The following PNPLA7 variants were observed in gnomAD, a reference collection of about 807,000 sequenced individuals.
PNPLA7 encodes patatin-like phospholipase domain-containing protein 7.
PNPLA7 carries 153 observed loss-of-function variants against 161.7 expected under a neutral mutation model. The ratio of observed to expected loss-of-function variants is 0.95; its 90% CI spans 0.83 to 1.08. PNPLA7 has a LOEUF of 1.08. Among genes scored for constraint, PNPLA7 ranks in the 50% least tolerant of loss-of-function variants. The pLI is 0.00. For missense variants in PNPLA7, 1,739 were observed against 1,856.6 expected, an observed-to-expected ratio of 0.94 and a Z score of 1.16; for synonymous variants, 809 against 782.1, an observed-to-expected ratio of 1.03 and a Z score of -0.57.
intron 14 of PNPLA7, among the ~76,000 whole-genome samples, chr9:137,502,730 G>GGGGGGACGGGGGGGACGCGGGGGACCC (rs1554767770): frequency 2.4e-5 from 1 of 40,986 alleles, no homozygotes; most frequent in Non-Finnish European, 4.7e-5. Flanking sequence ...GCGGGGGACG[G>GGGGGGACGGGGGGGACGCGGGGGACCC]GGGGGACGAG....
chr9:137,529,985 G>A (rs997873206), intron 8 of PNPLA7, among the ~76,000 whole-genome samples: 5 of 146,922 alleles, frequency 3.4e-5, no homozygotes, highest in African/African-American at 1.3e-4. Context: ...TTTTTCCTGA[G>A]ATACAGTCTT....
Position 137,541,121 on chromosome 9 carries a change from G to A in PNPLA7, c.667-399C>T, listed in dbSNP as rs925678099. 3.9e-5 allele frequency among the ~76,000 whole-genome samples: 6 copies of A among 152,108 alleles called. No homozygotes were observed. The highest frequency in any genetic ancestry group is 1.9e-4 in the East Asian group (1 of 5,198). ...ATTAGGTAAAAAAAGAAAAGAAACC[G>A]CGCTATTTTGGTGATTTAACAAAGT... is the stretch of plus-strand genomic sequence containing the variant. On this transcript the variant is annotated intron_variant, in intron 7 of 34. Transcript: ENST00000406427. This position sits in a 1 kb window ranked among gnomAD's most constrained non-coding sequence, Gnocchi z 4.4.
rs1831935707 is a variant in PNPLA7 at position 137,476,112 on chromosome 9, C to T, written c.2882+1922G>A. 6.6e-6 allele frequency among the ~76,000 whole-genome samples: 1 copy of T among 152,068 alleles called. No individual in the cohort carries two copies. Among genetic ancestry groups the T allele is most frequent in the South Asian group, 2.1e-4 (1 of 4,828 alleles). On this transcript the variant is annotated intron_variant, in intron 25 of 34. Coordinates refer to ENST00000406427, the MANE Select transcript of PNPLA7 (RefSeq NM_001098537.3). The surrounding 1 kb of genome is among the most constrained non-coding windows in gnomAD (Gnocchi z 4.5). ...TCTCAGCAGCATGTTAGAAAACAACCAGTAGAGATACGAAGAGGCTAGAGG... is the reference window on the plus strand; with the variant it reads ...TCTCAGCAGCATGTTAGAAAACAACTAGTAGAGATACGAAGAGGCTAGAGG...
chr9:137,502,267 C>A (rs1271661862), intron 14 of PNPLA7, among the ~76,000 whole-genome samples: 8 of 152,094 alleles, frequency 5.3e-5, no homozygotes, highest in Non-Finnish European at 7.3e-5. Flanking sequence ...TCTGCGGGCA[C>A]CACACCCACG....
chr9:137,462,444 G>T (rs898183476), intron 30 of PNPLA7, 113 bp from the exon 31 acceptor site: 29 of 1,485,658 alleles, frequency 2.0e-5, no homozygotes, highest in Middle Eastern at 2.3e-4. Flanking sequence ...GGTAGGTTCT[G>T]GGGGGAGAGG....
At position 137,467,987 on chromosome 9, in the gene PNPLA7, G is replaced by A. The variant is rs991599240; in HGVS notation, c.2883-514C>T. 6.6e-6 allele frequency among the ~76,000 whole-genome samples: 1 copy of A among 152,080 alleles called. No individual in the cohort carries two copies. Among genetic ancestry groups the A allele is most frequent in the African/African-American group, 2.4e-5 (1 of 41,406 alleles). On this transcript the variant is annotated intron_variant, in intron 25 of 34. Coordinates refer to ENST00000406427, the MANE Select transcript of PNPLA7 (RefSeq NM_001098537.3). This position sits in a 1 kb window ranked among gnomAD's most constrained non-coding sequence, Gnocchi z 5.1. ...CTGTGAGGCTGGGATGGGGAGGAAGGTGTCCTGAGAGTTGACCGGCATTGG... is the reference window on the plus strand; with the variant it reads ...CTGTGAGGCTGGGATGGGGAGGAAGATGTCCTGAGAGTTGACCGGCATTGG...
At chr9:137,501,374 GTGACCTCTTA>G (rs1042011641) in intron 15 of PNPLA7, among the ~76,000 whole-genome samples, 1 of 152,234 alleles carries the variant, frequency 6.6e-6, no homozygotes, top group Admixed American at 6.5e-5. Context: ...TGTATCCACT[GTGACCTCTTA>G]TGACCTCTTC....
In PNPLA7 at chr9:137,547,332, A is replaced by C; in HGVS notation, c.170T>G (p.Met57Arg). Residue 57 changes from methionine (M) to arginine (R), a missense_variant, in exon 3 of 35, where the codon ATG becomes AGG. Met to Arg is a moderately conservative substitution (Grantham distance 91, BLOSUM62 -1). Coordinates refer to ENST00000406427, the MANE Select transcript of PNPLA7 (RefSeq NM_001098537.3). The surrounding 1 kb of genome is among the most constrained non-coding windows in gnomAD (Gnocchi z 4.6). ...LALVGVLILFMFRRLRQFRQA... is the reference protein window; with the variant it reads ...LALVGVLILFRFRRLRQFRQA... The stretch of plus-strand genomic sequence containing the variant: ...ACGAAATTGTCTAAGCCTTCTGAAC[A>C]TGAAAAGGATGAGGACACCAACCAA... The C allele has an allele frequency of 6.2e-7, 1 of 1,613,590 alleles. No individual in the cohort carries two copies. Among genetic ancestry groups the C allele is most frequent in the South Asian group, 1.1e-5 (1 of 91,088 alleles).
chr9:137,462,999 G>T, intron 29 of PNPLA7, 166 bp from the exon 30 acceptor site: 1 of 931,052 alleles, frequency 1.1e-6, no homozygotes, highest in Non-Finnish European at 1.6e-6. Context: ...ATGGGCAGCT[G>T]TGGGCACACG....
At chr9:137,506,982 T>C (rs1262765058) in intron 12 of PNPLA7, among the ~76,000 whole-genome samples, 2 of 152,116 alleles carry the variant, frequency 1.3e-5, no homozygotes, top group Non-Finnish European at 2.9e-5. Flanking sequence ...GCCACACAGA[T>C]GCCGCAGCCA....
rs1386765717 is a variant in PNPLA7 at position 137,484,578 on chromosome 9, C to T, written c.2347+9G>A. On this transcript the variant is annotated intron_variant, in intron 21 of 34. Coordinates refer to ENST00000406427, the MANE Select transcript of PNPLA7 (RefSeq NM_001098537.3). ...AAGGATGGCTGGAGGCTGGGAGGCT[C>T]AGGCTTACCGATGGCGCTGAGGGCA... is the stretch of plus-strand genomic sequence containing the variant. 1.3e-6 allele frequency: 2 copies of T among 1,588,774 alleles called. No individual in the cohort carries two copies. The highest frequency in any genetic ancestry group is 1.7e-4 in the Middle Eastern group (1 of 5,956).
Position 137,462,690 on chromosome 9 carries a change from C to T in PNPLA7, c.3487G>A (p.Val1163Ile), listed in dbSNP as rs540714781. Residue 1163 changes from valine (V) to isoleucine (I), a missense_variant, in exon 30 of 35, where the codon GTC becomes ATC. This residue lies in a region of PNPLA7 where 703 missense variants were observed against 694.6 expected (regional missense o/e 1.01). Coordinates refer to ENST00000406427, the MANE Select transcript of PNPLA7 (RefSeq NM_001098537.3). ...CCTGCCCGGTAGCACCCCACCTTGA[C>T]TTTCGTGGCCAAGGGGTTCCAGCGT... ...WKRWNPLATK[V>I]KVLNMAEIQT... is the part of the protein sequence containing the mutation. The T allele has an allele frequency of 6.2e-7, 1 of 1,613,764 alleles. No individual in the cohort carries two copies. The highest frequency in any genetic ancestry group is 1.3e-5 in the African/African-American group (1 of 75,046).
At chr9:137,535,935 G>A (rs1459235421) in intron 8 of PNPLA7, among the ~76,000 whole-genome samples, 5 of 151,608 alleles carry the variant, frequency 3.3e-5, no homozygotes, top group Non-Finnish European at 7.4e-5. Flanking sequence ...GGCAGATCAC[G>A]AGGTCAGGAG....
Position 137,547,594 on chromosome 9 carries a change from C to T in PNPLA7, c.96G>A (p.Pro32=), listed in dbSNP as rs755052581. 31 of 1,613,108 alleles carry T rather than the reference C, an allele frequency of 1.9e-5. 1 individual carries two copies. Among genetic ancestry groups the T allele is most frequent in the South Asian group, 5.5e-5 (5 of 91,080 alleles). Reference sequence around the variant, plus strand: ...AGCGTGAGGTGATTACCATGGTGGACGGTGAACCTTCCTCCGTGAACCACA... The same window carrying T: ...AGCGTGAGGTGATTACCATGGTGGATGGTGAACCTTCCTCCGTGAACCACA... ...WGLWFTEEGS[P]STMLTGIAVG... The change falls in exon 2 of 35, where the codon CCG becomes CCA. Residue 32 remains proline, a synonymous_variant. Coordinates refer to ENST00000406427, the MANE Select transcript of PNPLA7 (RefSeq NM_001098537.3). The surrounding 1 kb of genome is among the most constrained non-coding windows in gnomAD (Gnocchi z 4.6).
chr9:137,501,810 A>G (rs888059491), intron 14 of PNPLA7, 83 bp from the exon 15 acceptor site: 3 of 1,389,426 alleles, frequency 2.2e-6, no homozygotes, highest in Non-Finnish European at 3.0e-6. Context: ...TGGGCTGTTC[A>G]GGGGCAACGA....
chr9:137,487,460 G>A (rs1832545502), intron 20 of PNPLA7, among the ~76,000 whole-genome samples: 1 of 152,224 alleles, frequency 6.6e-6, no homozygotes, highest in Non-Finnish European at 1.5e-5. Flanking sequence ...GGCAGCCCCA[G>A]TAAAGGACCC....
intron 31 of PNPLA7, 42 bp from the exon 32 acceptor site, chr9:137,462,083 C>A (rs760301132): frequency 1.8e-4 from 277 of 1,528,012 alleles, no homozygotes; most frequent in Non-Finnish European, 2.3e-4. Context: ...TGTGGGGAGC[C>A]CCCCACTTCC....
chr9:137,498,717 G>A (rs1207309284), intron 16 of PNPLA7, among the ~76,000 whole-genome samples: 1 of 152,142 alleles, frequency 6.6e-6, no homozygotes, highest in Non-Finnish European at 1.5e-5. Context: ...CTCTGACCCG[G>A]GGAACACTGT....
rs565796373 is a variant in PNPLA7 at position 137,507,156 on chromosome 9, C to T, written c.1226-1073G>A. Among the ~76,000 whole-genome samples the T allele has an allele frequency of 3.0e-4, 46 of 152,372 alleles. 2 individuals are homozygous for T. The highest frequency in any genetic ancestry group is 6.8e-3 in the Middle Eastern group (2 of 294). ...CGGGTTTCACGGAGCTGGCACCCTTCAGCCCGGTGCACTGTGCTGTGTATT... is the reference window on the plus strand; with the variant it reads ...CGGGTTTCACGGAGCTGGCACCCTTTAGCCCGGTGCACTGTGCTGTGTATT... On this transcript the variant is annotated intron_variant, in intron 12 of 34. Coordinates refer to ENST00000406427, the MANE Select transcript of PNPLA7 (RefSeq NM_001098537.3).
Sources: gnomAD v4.1 joint callset for allele counts (sites outside exome capture counted in the v4.1 genomes callset) on GRCh38, gnomAD v4.1.1 for gene constraint, gnomAD v4.1.1 regional missense constraint, Gnocchi (gnomAD v3.1) non-coding constraint, MANE v1.5 for transcripts, NCBI Gene and HGNC (gene_info 2026-07-23, HGNC 2026-07-21) for gene names.